B4GALT6: variants seen among roughly 807,000 people sequenced by gnomAD.
B4GALT6 encodes the protein UDP-Gal:beta-GlcNAc beta-1,4-galactosyltransferase 6.
A neutral mutation model predicts 46.3 loss-of-function variants in B4GALT6; 14 were observed. The observed-to-expected ratio is 0.30, with a 90% CI of 0.20 to 0.47. B4GALT6 has a LOEUF of 0.47. Ranked by LOEUF, B4GALT6 falls within the 20% of genes least tolerant of loss-of-function variation. The pLI is 0.99. For missense variants in B4GALT6, 386 were observed against 480.1 expected, an observed-to-expected ratio of 0.80 and a Z score of 1.83; for synonymous variants, 168 against 162.0, an observed-to-expected ratio of 1.04 and a Z score of -0.28.
At chr18:31,637,643 G>A (rs1447957865) in intron 5 of B4GALT6, among the ~76,000 whole-genome samples, 3 of 152,092 alleles carry the variant, frequency 2.0e-5, no homozygotes, top group African/African-American at 7.2e-5. Context: ...GATTTTCAGG[G>A]ATAGCCAGCA....
chr18:31,644,505 TA>T (rs1443799895), intron 4 of B4GALT6, among the ~76,000 whole-genome samples: 1 of 152,184 alleles, frequency 6.6e-6, no homozygotes, highest in Non-Finnish European at 1.5e-5. Context: ...TTTTAAAAGA[TA>T]AACTGTTTCC....
intron 5 of B4GALT6, among the ~76,000 whole-genome samples, chr18:31,635,385 G>A (rs1490185496): frequency 6.6e-6 from 1 of 152,086 alleles, no homozygotes; most frequent in East Asian, 1.9e-4. Flanking sequence ...CATGAAAGTA[G>A]ATGAGAATTT....
chr18:31,651,589 C>G (rs753875998), intron 3 of B4GALT6, among the ~76,000 whole-genome samples: 14 of 152,108 alleles, frequency 9.2e-5, no homozygotes, highest in African/African-American at 3.4e-4. Context: ...ACAGCAGGCA[C>G]GAGCACCCTA....
Position 31,684,353 on chromosome 18 carries a change from G to A in B4GALT6, c.74C>T (p.Ser25Phe), listed in dbSNP as rs1278070224. The A allele has an allele frequency of 6.2e-7, 1 of 1,613,836 alleles. No individual in the cohort carries two copies. The highest frequency in any genetic ancestry group is 1.7e-5 in the Admixed American group (1 of 60,008). Residue 25 changes from serine (S) to phenylalanine (F), a missense_variant, in exon 1 of 9, where the codon TCT becomes TTT. Transcript: ENST00000306851. ...LLAFIFFFSL[S>F]SSCLYFIYVA... ...ATAGATGAAGTACAGACAGGACGAA[G>A]AGAGGGAGAAGAAGAAGATGAAGGC... is the stretch of plus-strand genomic sequence containing the variant.
Position 31,625,700 on chromosome 18 carries a change from A to G in B4GALT6, c.1063T>C (p.Tyr355His). The change falls in exon 9 of 9, where the codon TAT (tyrosine) becomes CAT (histidine). Residue 355 changes from tyrosine (Y) to histidine (H), a missense_variant. Tyr to His is a moderately conservative substitution (Grantham distance 83). Coordinates refer to ENST00000306851, the MANE Select transcript of B4GALT6 (RefSeq NM_004775.5). ...CTATCAACCAGTATTTTTGGCCTAT[A>G]TATTAAATTGTTCAGTCCATCGATG... Reference protein sequence around the residue: ...QYIDGLNNLIYRPKILVDRLY... With the variant: ...QYIDGLNNLIHRPKILVDRLY... 3 of 1,613,662 alleles carry G rather than the reference A, an allele frequency of 1.9e-6. No homozygotes were observed. The highest frequency in any genetic ancestry group is 3.3e-5 in the Admixed American group (2 of 59,960).
Position 31,625,761 on chromosome 18 carries a change from C to T in B4GALT6, c.1002G>A (p.Arg334=). The T allele has an allele frequency of 6.4e-7, 1 of 1,572,676 alleles. No homozygotes were observed. The highest frequency in any genetic ancestry group is 8.6e-7 in the Non-Finnish European group (1 of 1,166,498). Residue 334 remains arginine (R), a splice_region_variant and synonymous_variant, in exon 9 of 9, where the codon CGG becomes CGA. Coordinates refer to ENST00000306851, the MANE Select transcript of B4GALT6 (RefSeq NM_004775.5). ...CCTTGGAATACCTTAGTAATTTATA[C>T]CTATAGTTTTAGAGGAAAAAACAAA... ...HHRGEVQFLG[R]YKLLRYSKER... is the part of the protein sequence containing the mutation.
upstream of B4GALT6, among the ~76,000 whole-genome samples, chr18:31,687,365 G>C (rs1290943705): frequency 6.6e-6 from 1 of 152,156 alleles, no homozygotes; most frequent in African/African-American, 2.4e-5. Context: ...GTCTCTTTCT[G>C]CTTAAACACC....
At chr18:31,679,693 T>C (rs2074457740) in intron 1 of B4GALT6, among the ~76,000 whole-genome samples, 1 of 152,216 alleles carries the variant, frequency 6.6e-6, no homozygotes. Flanking sequence ...CAGCACGCCC[T>C]TACTTTCATC....
intron 4 of B4GALT6, among the ~76,000 whole-genome samples, chr18:31,645,154 C>T (rs1206686872): frequency 6.6e-6 from 1 of 152,216 alleles, no homozygotes; most frequent in African/African-American, 2.4e-5. Context: ...TATTTTGTAT[C>T]TACACAGGTG....
chr18:31,703,503 G>T, the B4GALT6 span, among the ~76,000 whole-genome samples: 1 of 152,134 alleles, frequency 6.6e-6, no homozygotes. Context: ...ATTGTTTTAG[G>T]ACTGAGAATC....
chr18:31,658,865 T>C (rs1487564424), intron 2 of B4GALT6, among the ~76,000 whole-genome samples: 2 of 152,020 alleles, frequency 1.3e-5, no homozygotes, highest in African/African-American at 4.8e-5. Flanking sequence ...CCCATAGAAA[T>C]AGCTAATAAC....
intron 1 of B4GALT6, among the ~76,000 whole-genome samples, chr18:31,680,975 C>G (rs964045540): frequency 1.3e-5 from 2 of 152,166 alleles, no homozygotes; most frequent in Admixed American, 6.5e-5. Flanking sequence ...ACATTTCAAC[C>G]ACTTTCTCCT....
At chr18:31,662,460 A>G (rs2074229434) in intron 2 of B4GALT6, among the ~76,000 whole-genome samples, 1 of 152,240 alleles carries the variant, frequency 6.6e-6, no homozygotes, top group Admixed American at 6.5e-5. Flanking sequence ...AGTACCTACA[A>G]CATAGTAGGA....
the B4GALT6 span, among the ~76,000 whole-genome samples, chr18:31,701,509 T>G: frequency 6.6e-6 from 1 of 152,166 alleles, no homozygotes; most frequent in Non-Finnish European, 1.5e-5. Flanking sequence ...TATATAAAAG[T>G]GGCATTTTTT....
At chr18:31,709,064 T>A in the B4GALT6 span, among the ~76,000 whole-genome samples, 1 of 152,310 alleles carries the variant, frequency 6.6e-6, no homozygotes, top group East Asian at 1.9e-4. Flanking sequence ...CTTTGATATG[T>A]CAACCTCTCT....
the B4GALT6 span, among the ~76,000 whole-genome samples, chr18:31,709,520 G>A: frequency 6.7e-6 from 1 of 149,232 alleles, no homozygotes; most frequent in African/African-American, 2.5e-5. Context: ...TACCTTGGAT[G>A]AGAAGGGTTA....
chr18:31,657,080 G>A (rs1431688801), intron 3 of B4GALT6, among the ~76,000 whole-genome samples: 6 of 152,138 alleles, frequency 3.9e-5, no homozygotes, highest in African/African-American at 1.4e-4. Flanking sequence ...CTGCTTTTGA[G>A]AGCAATTGAC....
the B4GALT6 span, among the ~76,000 whole-genome samples, chr18:31,709,743 T>C: frequency 6.6e-6 from 1 of 151,402 alleles, no homozygotes; most frequent in Non-Finnish European, 1.5e-5. Context: ...TCCAGACAAA[T>C]AGGAAATTTA....
intron 1 of B4GALT6, among the ~76,000 whole-genome samples, chr18:31,672,304 C>G (rs894035048): frequency 1.3e-5 from 2 of 152,154 alleles, no homozygotes; most frequent in Non-Finnish European, 2.9e-5. Flanking sequence ...GTCAGGCAAT[C>G]TGGGATGCAG....
Sources: allele counts gnomAD v4.1 joint callset (sites outside exome capture counted in the v4.1 genomes callset), GRCh38; gene constraint gnomAD v4.1.1; transcripts MANE v1.5; gene names NCBI Gene and HGNC (gene_info 2026-07-23, HGNC 2026-07-21).